Variants in NFS1 observed in about 807,000 individuals in gnomAD.
The protein encoded by NFS1 is cysteine desulfurase.
In NFS1, 26 loss-of-function variants were observed where a neutral mutation model predicts 57.3. The observed-to-expected ratio is 0.45, with a 90% CI of 0.33 to 0.63. The LOEUF is 0.63. Ranked by LOEUF, NFS1 falls within the 20% of genes least tolerant of loss-of-function variation. The pLI, the probability that NFS1 is intolerant of heterozygous loss-of-function variation, is 0.02. For missense variants in NFS1, 505 were observed against 605.8 expected, an observed-to-expected ratio of 0.83 and a Z score of 1.75; for synonymous variants, 209 against 216.3, an observed-to-expected ratio of 0.97 and a Z score of 0.30.
chr20:35,694,143 C>CTTT (rs750913818), intron 4 of NFS1, among the ~76,000 whole-genome samples: 2 of 134,010 alleles, frequency 1.5e-5, no homozygotes, highest in Non-Finnish European at 1.6e-5. Flanking sequence ...GAGACCATGT[C>CTTT]TTTTTTTTTT....
rs1482584384 is a variant in NFS1 at position 35,668,274 on chromosome 20, G to C, written c.*1348C>G. 6.6e-6 allele frequency: 1 copy of C among 152,182 alleles called. No homozygotes were observed. Among genetic ancestry groups the C allele is most frequent in the South Asian group, 2.1e-4 (1 of 4,828 alleles). The allele number at this position is 152,182 out of a possible 1,614,324, so 9.4% of individuals were successfully genotyped here. A position where few individuals can be genotyped will look rare whatever the true frequency, so the allele number is the denominator to read the frequency against. On this transcript the variant is annotated 3_prime_UTR_variant, in exon 13 of 13. Transcript: ENST00000374092. ...TTTCCTGTCCCCCTGCTACTGGCAA[G>C]TATGAAAAGCAATTAAACTTTTTTG...
intron 12 of NFS1, among the ~76,000 whole-genome samples, chr20:35,671,201 T>A (rs2034648450): frequency 6.6e-6 from 1 of 152,194 alleles, no homozygotes; most frequent in Admixed American, 6.5e-5. Flanking sequence ...CCTCCTGGGT[T>A]CACGCCATTC....
At chr20:35,673,712 A>G (rs778807744) in intron 10 of NFS1, 28 bp from the exon 11 acceptor site, 10 of 1,571,842 alleles carry the variant, frequency 6.4e-6, no homozygotes, top group Non-Finnish European at 8.8e-6. Context: ...AACCTTGTTC[A>G]GTTCATCATC....
At chr20:35,676,779 A>AAC in intron 7 of NFS1, among the ~76,000 whole-genome samples, 1 of 148,524 alleles carries the variant, frequency 6.7e-6, no homozygotes, top group South Asian at 2.1e-4. Flanking sequence ...AAAAAAAAAA[A>AAC]AAAAAACCAA....
intron 1 of NFS1, chr20:35,698,910 G>A (rs2035192837): frequency 3.0e-6 from 4 of 1,313,276 alleles, no homozygotes; most frequent in Non-Finnish European, 3.9e-6. Context: ...CGAAGGTAAC[G>A]GTCTGCACGG....
chr20:35,695,458 C>T (rs535895996), intron 4 of NFS1, among the ~76,000 whole-genome samples: 1 of 152,320 alleles, frequency 6.6e-6, no homozygotes, highest in East Asian at 1.9e-4. Flanking sequence ...CAACCAGGCC[C>T]AGTGAAATCT....
At chr20:35,683,240 T>C (rs1339884106) in intron 5 of NFS1, among the ~76,000 whole-genome samples, 1 of 151,908 alleles carries the variant, frequency 6.6e-6, no homozygotes, top group Non-Finnish European at 1.5e-5. Flanking sequence ...TCCCAGGACT[T>C]TGGGAGGCGG....
chr20:35,687,575 G>T (rs939189162), intron 5 of NFS1, among the ~76,000 whole-genome samples: 13 of 152,128 alleles, frequency 8.5e-5, no homozygotes, highest in African/African-American at 2.7e-4. Flanking sequence ...AGCGCAGGCT[G>T]GCATTCGGGG....
chr20:35,690,714 G>A, intron 4 of NFS1, 149 bp from the exon 5 acceptor site: 1 of 789,010 alleles, frequency 1.3e-6, no homozygotes, highest in Non-Finnish European at 2.0e-6. Flanking sequence ...ATTCAATTCT[G>A]AGGCTAACTC....
chr20:35,699,038 G>T lies in NFS1; in HGVS notation c.97+154C>A, dbSNP rs1223226986. 1.5e-6 allele frequency: 2 copies of T among 1,321,184 alleles called. No homozygotes were observed. The highest frequency in any genetic ancestry group is 1.5e-5 in the African/African-American group (1 of 64,674). 81.8% of individuals were successfully genotyped at this position (1,321,184 alleles called of 1,614,324 possible). A position where few individuals can be genotyped will look rare whatever the true frequency, so the allele number is the denominator to read the frequency against. On this transcript the variant is annotated intron_variant, in intron 1 of 12. Coordinates refer to ENST00000374092, the MANE Select transcript of NFS1 (RefSeq NM_021100.5). The surrounding 1 kb of genome is among the most constrained non-coding windows in gnomAD (Gnocchi z 4.4). ...GGTGCGCCGGGGTCAACCGTTCGGG[G>T]ACCCGCCTAAGAAAGTTTGAGGGAT...
At chr20:35,693,971 T>A (rs111451856) in intron 4 of NFS1, among the ~76,000 whole-genome samples, 10,032 of 151,004 alleles carry the variant, frequency 0.066, 406 homozygotes, top group South Asian at 0.18. Context: ...CAAAAAAAAA[T>A]AAATAAATAA....
At chr20:35,679,163 C>T (rs1601522385) in intron 7 of NFS1, among the ~76,000 whole-genome samples, 1 of 152,010 alleles carries the variant, frequency 6.6e-6, no homozygotes. Context: ...TTTGTGAGTA[C>T]ACAGGAGGTA....
At chr20:35,693,441 C>A (rs1278800142) in intron 4 of NFS1, among the ~76,000 whole-genome samples, 1 of 152,056 alleles carries the variant, frequency 6.6e-6, no homozygotes, top group East Asian at 1.9e-4. Flanking sequence ...AAAAAACACA[C>A]CATATGTGAC....
At chr20:35,698,704 C>T in intron 1 of NFS1, 114 bp from the exon 2 acceptor site, 1 of 1,432,910 alleles carries the variant, frequency 7.0e-7, no homozygotes, top group Non-Finnish European at 9.2e-7. Flanking sequence ...GTAAGGGATG[C>T]TAGGGTCGAA....
At chr20:35,690,183 G>C (rs1296669989) in intron 5 of NFS1, among the ~76,000 whole-genome samples, 1 of 151,972 alleles carries the variant, frequency 6.6e-6, no homozygotes, top group Non-Finnish European at 1.5e-5. Flanking sequence ...GGGCAAAAGA[G>C]TGAGACTCCA....
intron 7 of NFS1, among the ~76,000 whole-genome samples, chr20:35,676,863 CTTT>C (rs1171229720): frequency 6.7e-6 from 1 of 149,606 alleles, no homozygotes; most frequent in Non-Finnish European, 1.5e-5. Flanking sequence ...TTGTCTGTGC[CTTT>C]TTTTTCCCTT....
At chr20:35,689,355 C>T (rs1232133007) in intron 5 of NFS1, among the ~76,000 whole-genome samples, 3 of 151,862 alleles carry the variant, frequency 2.0e-5, no homozygotes, top group Non-Finnish European at 4.4e-5. Context: ...CCAGGCATGG[C>T]GGCTCATGCC....
intron 4 of NFS1, among the ~76,000 whole-genome samples, chr20:35,691,556 C>A (rs2035040209): frequency 6.6e-6 from 1 of 150,704 alleles, no homozygotes; most frequent in Non-Finnish European, 1.5e-5. Flanking sequence ...GCCTGGCCAA[C>A]ATGGGGAAAC....
At chr20:35,673,252 C>T (rs538795629) in intron 11 of NFS1, among the ~76,000 whole-genome samples, 83 of 151,716 alleles carry the variant, frequency 5.5e-4, no homozygotes, top group African/African-American at 1.8e-3. Context: ...CATGCCACTG[C>T]ACTCCAGCCT....
Sources: allele counts gnomAD v4.1 joint callset (sites outside exome capture counted in the v4.1 genomes callset), GRCh38; gene constraint gnomAD v4.1.1; non-coding constraint Gnocchi (gnomAD v3.1); transcripts MANE v1.5; gene names NCBI Gene and HGNC (gene_info 2026-07-23, HGNC 2026-07-21).